P4HA1: variants seen among roughly 807,000 people sequenced by gnomAD.
P4HA1 encodes prolyl 4-hydroxylase subunit alpha-1.
A neutral mutation model predicts 72.8 loss-of-function variants in P4HA1; 24 were observed. That is an observed-to-expected ratio of 0.33 (90% CI 0.24 to 0.46). The LOEUF (loss-of-function observed/expected upper bound fraction) is 0.46. Ranked by LOEUF, P4HA1 falls within the 20% of genes least tolerant of loss-of-function variation. The pLI, the probability that P4HA1 is intolerant of heterozygous loss-of-function variation, is 1.00. For missense variants in P4HA1, 446 were observed against 640.6 expected, an observed-to-expected ratio of 0.70 and a Z score of 3.28; for synonymous variants, 201 against 218.8, an observed-to-expected ratio of 0.92 and a Z score of 0.72.
At chr10:73,028,307 AACAC>A (rs10561551) in intron 10 of P4HA1, among the ~76,000 whole-genome samples, 9,087 of 143,644 alleles carry the variant, frequency 0.063, 312 homozygotes, top group African/African-American at 0.078. Context: ...GTCACTGTAA[AACAC>A]ACACACACAC....
chr10:73,086,196 G>A lies in P4HA1; in HGVS notation c.-33+10570C>T, dbSNP rs187870933. Among the ~76,000 whole-genome samples, 247 of 152,322 alleles carry A rather than the reference G, an allele frequency of 1.6e-3. 1 individual carries two copies. Among genetic ancestry groups the A allele is most frequent in the African/African-American group, 5.7e-3 (237 of 41,572 alleles). Reference sequence around the variant, plus strand: ...TCATAGGTCTATACCCAAAAGAAATGAGAACACATGCCCAGGCAAAAACTT... The same window carrying A: ...TCATAGGTCTATACCCAAAAGAAATAAGAACACATGCCCAGGCAAAAACTT... On this transcript the variant is annotated intron_variant, in intron 1 of 14. Transcript: ENST00000394890.
chr10:73,078,550 G>C (rs900938935), intron 1 of P4HA1, among the ~76,000 whole-genome samples: 5 of 149,118 alleles, frequency 3.4e-5, no homozygotes, highest in African/African-American at 9.8e-5. Flanking sequence ...AACATATGCA[G>C]AGGAAATTCA....
intron 1 of P4HA1, among the ~76,000 whole-genome samples, chr10:73,088,487 C>T (rs1340992997): frequency 6.6e-6 from 1 of 152,184 alleles, no homozygotes; most frequent in Non-Finnish European, 1.5e-5. Flanking sequence ...AAACAAGTTC[C>T]ACCTTCTGGT....
At chr10:73,085,679 G>A (rs368863146) in intron 1 of P4HA1, among the ~76,000 whole-genome samples, 2 of 152,108 alleles carry the variant, frequency 1.3e-5, no homozygotes, top group Admixed American at 6.6e-5. Flanking sequence ...CACCGCACCC[G>A]GCCAGTGATT....
At chr10:73,063,906 CAAAGTAGAGAACATGAGAAGAA>C (rs1276147408) in intron 5 of P4HA1, among the ~76,000 whole-genome samples, 6 of 151,800 alleles carry the variant, frequency 4.0e-5, no homozygotes, top group African/African-American at 1.5e-4. Context: ...AGGCTGTTTC[CAAAGTAGAGAACATGAGAAGAA>C]AAAGTAGGCA....
chr10:73,079,390 C>T (rs116334938), intron 1 of P4HA1, among the ~76,000 whole-genome samples: 16,295 of 152,094 alleles, frequency 0.11, 1,259 homozygotes, highest in East Asian at 0.3. Context: ...GAGGCTGCAG[C>T]GGGCCATGAA....
At chr10:73,049,157 C>A (rs536887520) in intron 7 of P4HA1, among the ~76,000 whole-genome samples, 2 of 152,134 alleles carry the variant, frequency 1.3e-5, no homozygotes, top group East Asian at 3.9e-4. Flanking sequence ...ACAGTGTCAC[C>A]ATCTTTGTAT....
intron 9 of P4HA1, among the ~76,000 whole-genome samples, chr10:73,042,440 T>C (rs1168381714): frequency 2.6e-5 from 4 of 152,202 alleles, no homozygotes; most frequent in African/African-American, 9.7e-5. Flanking sequence ...TGTTTGCCTT[T>C]GCATAAATTT....
chr10:73,009,233 T>C (rs1005644727), intron 14 of P4HA1, among the ~76,000 whole-genome samples: 6 of 150,762 alleles, frequency 4.0e-5, no homozygotes, highest in African/African-American at 1.2e-4. Flanking sequence ...ATGGGGCTAA[T>C]TAATAGATAT....
At chr10:73,085,386 AT>A (rs143726385) in intron 1 of P4HA1, among the ~76,000 whole-genome samples, 215 of 146,424 alleles carry the variant, frequency 1.5e-3, no homozygotes, top group African/African-American at 2.1e-3. Context: ...GAACTCAATA[AT>A]TTTTTTTTTT....
intron 6 of P4HA1, among the ~76,000 whole-genome samples, chr10:73,053,095 C>T (rs546678701): frequency 7.9e-5 from 12 of 152,214 alleles, no homozygotes; most frequent in South Asian, 4.1e-4. Flanking sequence ...GACTTAGTTA[C>T]GTTAGCTTCA....
At chr10:73,017,729 C>T (rs556048928) in intron 10 of P4HA1, among the ~76,000 whole-genome samples, 6 of 152,156 alleles carry the variant, frequency 3.9e-5, no homozygotes, top group Non-Finnish European at 5.9e-5. Context: ...GACAATGTCC[C>T]AGTGTGACGC....
At chr10:73,088,085 G>A (rs991179938) in intron 1 of P4HA1, among the ~76,000 whole-genome samples, 1 of 151,800 alleles carries the variant, frequency 6.6e-6, no homozygotes, top group Non-Finnish European at 1.5e-5. Context: ...AAATAGAAAC[G>A]GGTCTCACTC....
At chr10:73,043,936 C>T in intron 9 of P4HA1, 1 of 1,613,124 alleles carries the variant, frequency 6.2e-7, no homozygotes, top group Non-Finnish European at 8.5e-7. Context: ...GTCTCAGGGT[C>T]ATGTACTGTA....
intron 5 of P4HA1, among the ~76,000 whole-genome samples, chr10:73,060,083 G>T (rs1211640418): frequency 6.6e-6 from 1 of 152,092 alleles, no homozygotes; most frequent in Non-Finnish European, 1.5e-5. Context: ...TACCTCAGAT[G>T]TCTTTAAAAC....
intron 10 of P4HA1, among the ~76,000 whole-genome samples, chr10:73,018,093 C>T (rs1840049493): frequency 6.6e-6 from 1 of 152,146 alleles, no homozygotes; most frequent in South Asian, 2.1e-4. Flanking sequence ...GCTGTTACAC[C>T]CTTCCTGGTG....
At chr10:73,079,369 C>T (rs1212497925) in intron 1 of P4HA1, among the ~76,000 whole-genome samples, 3 of 152,160 alleles carry the variant, frequency 2.0e-5, no homozygotes, top group African/African-American at 7.2e-5. Context: ...ATCACTTGAG[C>T]CTGGGAGGTA....
intron 8 of P4HA1, among the ~76,000 whole-genome samples, chr10:73,045,450 C>T (rs1306268247): frequency 6.6e-6 from 1 of 151,944 alleles, no homozygotes; most frequent in Non-Finnish European, 1.5e-5. Context: ...TGATCCATTC[C>T]AAAACCTTTG....
intron 2 of P4HA1, among the ~76,000 whole-genome samples, 189 bp downstream of exon 2, chr10:73,074,619 C>T (rs1371771378): frequency 2.0e-5 from 3 of 151,854 alleles, no homozygotes; most frequent in African/African-American, 7.3e-5. Context: ...ATTTTAACTT[C>T]AATATGTATC....
Sources: allele counts gnomAD v4.1 joint callset (sites outside exome capture counted in the v4.1 genomes callset), GRCh38; gene constraint gnomAD v4.1.1; transcripts MANE v1.5; gene names NCBI Gene and HGNC (gene_info 2026-07-23, HGNC 2026-07-21).